Variants in LDLRAD3 observed in about 807,000 individuals in gnomAD.
The protein encoded by LDLRAD3 is low-density lipoprotein receptor class A domain-containing protein 3.
LDLRAD3 carries 20 observed loss-of-function variants against 29.4 expected under a neutral mutation model. The ratio of observed to expected loss-of-function variants is 0.68; its 90% confidence interval spans 0.48 to 0.99. The LOEUF (loss-of-function observed/expected upper bound fraction) is 0.99, where lower values mean the gene tolerates loss of function less well. Among genes scored for constraint, LDLRAD3 ranks in the 50% least tolerant of loss-of-function variants. LDLRAD3 has a pLI of 0.00. For synonymous variants in LDLRAD3, 157 were observed against 192.7 expected, an observed-to-expected ratio of 0.81 and a Z score of 1.53; for missense variants, 420 against 454.3, an observed-to-expected ratio of 0.92 and a Z score of 0.69.
intron 2 of LDLRAD3, among the ~76,000 whole-genome samples, chr11:36,065,826 G>A (rs1428924575): frequency 6.6e-6 from 1 of 152,170 alleles, no homozygotes; most frequent in Non-Finnish European, 1.5e-5. Context: ...CTGAGTTTTA[G>A]GGTTCTGCTG....
intron 1 of LDLRAD3, among the ~76,000 whole-genome samples, chr11:35,953,191 T>C (rs964482542): frequency 6.6e-6 from 1 of 152,166 alleles, no homozygotes; most frequent in Non-Finnish European, 1.5e-5. Flanking sequence ...CAAATCCAAC[T>C]GTGATTTTTG....
chr11:36,172,233 G>C (rs1854608212), intron 4 of LDLRAD3, among the ~76,000 whole-genome samples: 1 of 152,154 alleles, frequency 6.6e-6, no homozygotes, highest in Non-Finnish European at 1.5e-5. Context: ...AGAAGATCCA[G>C]AGTCTTTAGG....
intron 2 of LDLRAD3, among the ~76,000 whole-genome samples, chr11:36,050,260 G>A (rs1358426391): frequency 6.6e-6 from 1 of 152,186 alleles, no homozygotes; most frequent in East Asian, 1.9e-4. Flanking sequence ...GATCCTGCTG[G>A]TAGCTGTATG....
intron 1 of LDLRAD3, among the ~76,000 whole-genome samples, chr11:35,971,164 A>G (rs113558617): frequency 0.011 from 1,721 of 152,118 alleles, 39 homozygotes; most frequent in African/African-American, 0.04. Context: ...CCTTACCCCC[A>G]TCTGAACTCC....
intron 1 of LDLRAD3, among the ~76,000 whole-genome samples, chr11:35,952,584 T>G (rs1231201664): frequency 1.3e-5 from 2 of 152,158 alleles, no homozygotes; most frequent in Non-Finnish European, 2.9e-5. Context: ...CCATGACACT[T>G]GCCTTTGAAT....
At chr11:36,162,319 G>C (rs1854452390) in intron 4 of LDLRAD3, among the ~76,000 whole-genome samples, 1 of 152,162 alleles carries the variant, frequency 6.6e-6, no homozygotes, top group African/African-American at 2.4e-5. Context: ...TCCTCATCAA[G>C]GGAGAAATGA....
chr11:35,998,896 A>G (rs1318076668), intron 1 of LDLRAD3, among the ~76,000 whole-genome samples: 3 of 152,174 alleles, frequency 2.0e-5, no homozygotes, highest in Non-Finnish European at 4.4e-5. Flanking sequence ...TTGAAATTTG[A>G]TCATTGGTAT....
chr11:36,066,126 ACTGT>A (rs1024316251), intron 2 of LDLRAD3, among the ~76,000 whole-genome samples: 2 of 149,708 alleles, frequency 1.3e-5, no homozygotes, highest in African/African-American at 4.9e-5. Context: ...AGACTTGAAA[ACTGT>A]CTGTGATTCT....
intron 1 of LDLRAD3, chr11:35,968,021 G>A: frequency 2.2e-6 from 1 of 455,922 alleles, no homozygotes; most frequent in Non-Finnish European, 4.4e-6. Flanking sequence ...TAATGCACTT[G>A]TAGACTGTAC....
chr11:36,162,673 C>T (rs978850056), intron 4 of LDLRAD3, among the ~76,000 whole-genome samples: 7 of 152,184 alleles, frequency 4.6e-5, no homozygotes, highest in African/African-American at 1.4e-4. Context: ...GGAGCTAAGC[C>T]GTGGTCCCTA....
At chr11:36,141,568 G>A (rs958389407) in intron 4 of LDLRAD3, among the ~76,000 whole-genome samples, 2 of 152,040 alleles carry the variant, frequency 1.3e-5, no homozygotes, top group Non-Finnish European at 2.9e-5. Context: ...TTACTGGGTC[G>A]TTGGTCTAGG....
chr11:36,205,877 A>G (rs1010144673), intron 4 of LDLRAD3, among the ~76,000 whole-genome samples: 2 of 152,214 alleles, frequency 1.3e-5, no homozygotes, highest in Non-Finnish European at 2.9e-5. Flanking sequence ...ATATTAATTG[A>G]CATGAATCTT....
chr11:36,091,955 C>G (rs1292231171), intron 3 of LDLRAD3, among the ~76,000 whole-genome samples: 1 of 152,192 alleles, frequency 6.6e-6, no homozygotes, highest in East Asian at 1.9e-4. Context: ...ATTCTGAAAT[C>G]TGGCTGAGCC....
chr11:36,094,518 G>A (rs779020408), intron 3 of LDLRAD3, among the ~76,000 whole-genome samples: 5 of 152,174 alleles, frequency 3.3e-5, no homozygotes, highest in African/African-American at 7.2e-5. Context: ...TTCTTTATAA[G>A]TAAACATTTG....
intron 4 of LDLRAD3, among the ~76,000 whole-genome samples, chr11:36,191,124 G>A (rs1854934775): frequency 6.6e-6 from 1 of 152,170 alleles, no homozygotes; most frequent in South Asian, 2.1e-4. Flanking sequence ...GTGAAAAGGA[G>A]CCTCTGGAAT....
chr11:36,172,121 C>T (rs1040857783), intron 4 of LDLRAD3, among the ~76,000 whole-genome samples: 1 of 152,078 alleles, frequency 6.6e-6, no homozygotes, highest in Non-Finnish European at 1.5e-5. Context: ...ATTTGATTCT[C>T]AGCTTGGTCG....
chr11:36,164,956 G>C (rs1255818136), intron 4 of LDLRAD3, among the ~76,000 whole-genome samples: 2 of 152,166 alleles, frequency 1.3e-5, no homozygotes, highest in African/African-American at 4.8e-5. Context: ...AAAATCTTAT[G>C]TTCCCATTAT....
chr11:36,029,024 C>T (rs1399552416), intron 1 of LDLRAD3, among the ~76,000 whole-genome samples: 2 of 152,196 alleles, frequency 1.3e-5, no homozygotes, highest in African/African-American at 4.8e-5. Context: ...GCAGGCGGAT[C>T]ACAGGGTCAG....
At chr11:36,025,312 C>A (rs1265480433) in intron 1 of LDLRAD3, among the ~76,000 whole-genome samples, 1 of 151,570 alleles carries the variant, frequency 6.6e-6, no homozygotes, top group Non-Finnish European at 1.5e-5. Flanking sequence ...CGAAAAGTTA[C>A]CAAGAATAGC....
Sources: gnomAD v4.1 joint callset for allele counts (sites outside exome capture counted in the v4.1 genomes callset) on GRCh38, gnomAD v4.1.1 for gene constraint, MANE v1.5 for transcripts, NCBI Gene and HGNC (gene_info 2026-07-23, HGNC 2026-07-21) for gene names.